The following MEIKIN variants were observed in gnomAD, a reference collection of about 807,000 sequenced individuals.
MEIKIN encodes the protein meiotic kinetochore factor.
chr5:131,822,934 ATT>A (rs70974019), intron 11 of MEIKIN, among the ~76,000 whole-genome samples: 4,012 of 116,870 alleles, frequency 0.034, 70 homozygotes, highest in African/African-American at 0.069. Flanking sequence ...TGCTTAAAGG[ATT>A]TTTTTTTTTT....
At chr5:131,885,918 AC>A (rs1341741838) in intron 8 of MEIKIN, among the ~76,000 whole-genome samples, 1 of 152,236 alleles carries the variant, frequency 6.6e-6, no homozygotes, top group African/African-American at 2.4e-5. Context: ...TTAAAATAAC[AC>A]AGAGAAGAAA....
chr5:131,892,596 T>C (rs1421335454), intron 8 of MEIKIN, among the ~76,000 whole-genome samples: 1 of 152,232 alleles, frequency 6.6e-6, no homozygotes, highest in East Asian at 1.9e-4. Context: ...CTGCATTGGT[T>C]ATTCTAGTTA....
chr5:131,834,341 G>A (rs981031404), intron 11 of MEIKIN, among the ~76,000 whole-genome samples: 1 of 152,008 alleles, frequency 6.6e-6, no homozygotes, highest in Non-Finnish European at 1.5e-5. Flanking sequence ...TTTGTTTGTG[G>A]TAAGAACATT....
chr5:131,929,020 T>C (rs929135835), intron 5 of MEIKIN, among the ~76,000 whole-genome samples: 4 of 152,180 alleles, frequency 2.6e-5, no homozygotes, highest in African/African-American at 9.7e-5. Flanking sequence ...CTGCTTTTGT[T>C]TGTCTGGGAA....
intron 11 of MEIKIN, among the ~76,000 whole-genome samples, chr5:131,828,889 T>G (rs751542820): frequency 6.6e-5 from 10 of 152,174 alleles, no homozygotes; most frequent in African/African-American, 2.4e-4. Context: ...AAAGTCATAA[T>G]GCAATTTAAA....
chr5:131,837,681 T>A (rs766175249), intron 11 of MEIKIN, among the ~76,000 whole-genome samples: 2 of 152,266 alleles, frequency 1.3e-5, no homozygotes, highest in South Asian at 2.1e-4. Flanking sequence ...TGTATAGGAA[T>A]GTTAGTTATT....
At chr5:131,807,457 G>A (rs1416908537) in intron 12 of MEIKIN, among the ~76,000 whole-genome samples, 199 bp from the exon 13 acceptor site, 1 of 152,086 alleles carries the variant, frequency 6.6e-6, no homozygotes, top group East Asian at 1.9e-4. Context: ...GACATGCTGA[G>A]GACATGTTCT....
At chr5:131,808,989 G>A (rs1353131861) in intron 12 of MEIKIN, among the ~76,000 whole-genome samples, 1 of 152,130 alleles carries the variant, frequency 6.6e-6, no homozygotes, top group East Asian at 1.9e-4. Flanking sequence ...CTGGAGCCTG[G>A]AAGGTCGAGG....
At chr5:131,932,592 AAAG>A (rs1751708171) in intron 5 of MEIKIN, among the ~76,000 whole-genome samples, 1 of 152,244 alleles carries the variant, frequency 6.6e-6, no homozygotes, top group African/African-American at 2.4e-5. Flanking sequence ...AGAGAGTGGA[AAAG>A]AATACTCCAC....
At chr5:131,939,670 G>A (rs1024016092) in intron 4 of MEIKIN, among the ~76,000 whole-genome samples, 1 of 151,926 alleles carries the variant, frequency 6.6e-6, no homozygotes, top group Admixed American at 6.6e-5. Context: ...AAATTCTGTG[G>A]GCTGCTCAAA....
At chr5:131,943,971 G>A (rs1751918364) in intron 3 of MEIKIN, among the ~76,000 whole-genome samples, 2 of 152,010 alleles carry the variant, frequency 1.3e-5, no homozygotes, top group African/African-American at 4.8e-5. Flanking sequence ...TAGCTGGGTG[G>A]TGGTATACAC....
intron 11 of MEIKIN, among the ~76,000 whole-genome samples, chr5:131,825,304 G>A (rs1435828898): frequency 6.6e-6 from 1 of 152,150 alleles, no homozygotes; most frequent in African/African-American, 2.4e-5. Context: ...AGATATATGT[G>A]TCAGGCCCCA....
At chr5:131,878,090 T>A (rs1750645498) in intron 9 of MEIKIN, among the ~76,000 whole-genome samples, 2 of 152,212 alleles carry the variant, frequency 1.3e-5, no homozygotes, top group South Asian at 4.1e-4. Flanking sequence ...CTGGGGGTCT[T>A]GGGATGTATC....
intron 11 of MEIKIN, among the ~76,000 whole-genome samples, chr5:131,834,381 T>C (rs1224648753): frequency 6.6e-6 from 1 of 152,182 alleles, no homozygotes; most frequent in African/African-American, 2.4e-5. Context: ...ATATTTCAAG[T>C]AAACAATTCA....
intron 8 of MEIKIN, among the ~76,000 whole-genome samples, chr5:131,890,029 T>C (rs562141311): frequency 1.3e-5 from 2 of 152,354 alleles, no homozygotes; most frequent in East Asian, 1.9e-4. Flanking sequence ...GATTTTCGTA[T>C]GTTGAACCAG....
chr5:131,813,257 T>C (rs34914000), intron 12 of MEIKIN, among the ~76,000 whole-genome samples: 28,779 of 152,140 alleles, frequency 0.19, 3,622 homozygotes, highest in South Asian at 0.44. Context: ...TGGTTCTCTA[T>C]GATATGCAGG....
At chr5:131,825,467 G>A (rs746681213) in intron 11 of MEIKIN, among the ~76,000 whole-genome samples, 22 of 152,196 alleles carry the variant, frequency 1.4e-4, no homozygotes, top group Non-Finnish European at 2.9e-4. Flanking sequence ...TTGTCCTCCA[G>A]TGGAGTCACA....
rs544899220 is a variant in MEIKIN, at chr5:131,939,371, C to CT, written c.349+3263dup. 3.1e-3 allele frequency among the ~76,000 whole-genome samples: 449 copies of CT among 143,244 alleles called. 4 individuals are homozygous for CT. The South Asian group carries it at 0.033, about 10-fold the overall frequency. The allele number at this position is 143,244 out of a possible 152,430, so 94.0% of individuals were successfully genotyped here. ...TCTACTCTAGACACCTAGTTTTCAG[C>CT]TTTTTTTTTTTTTAAGATCTGTTAG... On this transcript the variant is annotated intron_variant, in intron 4 of 12. Transcript: ENST00000442687.
chr5:131,863,782 T>G (rs1289143469), intron 9 of MEIKIN, among the ~76,000 whole-genome samples: 1 of 151,984 alleles, frequency 6.6e-6, no homozygotes, highest in African/African-American at 2.4e-5. Flanking sequence ...TGGGGGCAGG[T>G]CTTCCCCATG....
Sources: gnomAD v4.1 joint callset for allele counts (sites outside exome capture counted in the v4.1 genomes callset) on GRCh38, gnomAD v4.1.1 for gene constraint, MANE v1.5 for transcripts, NCBI Gene and HGNC (gene_info 2026-07-23, HGNC 2026-07-21) for gene names.